Variants in SVIL observed in about 807,000 individuals in gnomAD.
SVIL encodes the protein archvillin.
In SVIL, 101 loss-of-function variants were observed where a neutral mutation model predicts 240.4. The ratio of observed to expected loss-of-function variants is 0.42; its 90% CI spans 0.36 to 0.50. The LOEUF is 0.50. SVIL is among the 20% of genes least tolerant of loss of function. SVIL has a pLI of 0.01. For missense variants in SVIL, 2,512 were observed against 2,818.7 expected (o/e 0.89, Z 2.46); for synonymous variants, 999 against 1,100.0 (o/e 0.91, Z 1.82).
chr10:29,645,494 C>T (rs1248288822), intron 3 of SVIL, among the ~76,000 whole-genome samples: 9 of 152,190 alleles, frequency 5.9e-5, no homozygotes, highest in African/African-American at 2.2e-4. Flanking sequence ...TGCTTGAACC[C>T]GGGAGGTGGA....
intron 6 of SVIL, among the ~76,000 whole-genome samples, chr10:29,546,043 A>G (rs1175092662): frequency 6.6e-6 from 1 of 152,134 alleles, no homozygotes; most frequent in African/African-American, 2.4e-5. Flanking sequence ...TAAAAAATAC[A>G]GCACATTTTC....
chr10:29,559,143 C>T (rs930464318), intron 3 of SVIL, among the ~76,000 whole-genome samples: 5 of 151,800 alleles, frequency 3.3e-5, no homozygotes, highest in African/African-American at 1.2e-4. Context: ...TAAAGCCTAC[C>T]TACAGTTCTA....
intron 9 of SVIL, 119 bp downstream of exon 9, chr10:29,531,883 T>A: frequency 8.4e-7 from 1 of 1,196,936 alleles, no homozygotes; most frequent in Non-Finnish European, 1.2e-6. Flanking sequence ...ATAGGTTAGA[T>A]GGAACAATTA....
At chr10:29,575,626 A>T (rs980346038) in intron 1 of SVIL, among the ~76,000 whole-genome samples, 37 of 152,234 alleles carry the variant, frequency 2.4e-4, no homozygotes, top group Non-Finnish European at 4.3e-4. Flanking sequence ...ATGATTTAGT[A>T]AGCCCTACTG....
chr10:29,653,299 A>G (rs371321561), intron 3 of SVIL, among the ~76,000 whole-genome samples: 3 of 150,364 alleles, frequency 2.0e-5, no homozygotes, highest in African/African-American at 7.4e-5. Flanking sequence ...AGTGTGTAGC[A>G]CCTCCCCCTT....
chr10:29,717,118 A>G (rs968626398), intron 1 of SVIL, among the ~76,000 whole-genome samples: 1 of 151,722 alleles, frequency 6.6e-6, no homozygotes, highest in Non-Finnish European at 1.5e-5. Context: ...CTGTGGTCCC[A>G]GCTACTCGGG....
intron 1 of SVIL, among the ~76,000 whole-genome samples, chr10:29,696,810 G>A (rs932819739): frequency 9.3e-5 from 14 of 150,940 alleles, no homozygotes; most frequent in Non-Finnish European, 1.3e-4. Context: ...CACCCCGTCC[G>A]GGAGGGAGGT....
At chr10:29,729,783 G>A (rs983389072) in intron 1 of SVIL, among the ~76,000 whole-genome samples, 12 of 133,472 alleles carry the variant, frequency 9.0e-5, no homozygotes, top group African/African-American at 3.5e-4. Flanking sequence ...GCAGTGAGCC[G>A]AGATTGCACC....
intron 6 of SVIL, among the ~76,000 whole-genome samples, chr10:29,544,779 A>C (rs1374097361): frequency 1.4e-5 from 2 of 145,428 alleles, no homozygotes; most frequent in East Asian, 2.0e-4. Context: ...AAAAAAAAAA[A>C]GAATAAGAAT....
rs145559465 is a variant in SVIL, at chr10:29,590,287, TTAAG to T, written c.-200-20979_-200-20976del. Among the ~76,000 whole-genome samples the T allele has an allele frequency of 1.4e-3, 206 of 150,976 alleles. 1 individual carries two copies. The highest frequency in any genetic ancestry group is 4.9e-3 in the African/African-American group (200 of 41,186). On this transcript the variant is annotated intron_variant, in intron 1 of 37. Coordinates refer to ENST00000355867, the MANE Select transcript of SVIL (RefSeq NM_021738.3). ...GACCTCCTGTCCCGTGGCTCCCCAA[TTAAG>T]TAAGGCTGCCCAACAGGTTCCCAGC...
intron 17 of SVIL, among the ~76,000 whole-genome samples, chr10:29,509,324 GGGGAGGGA>G (rs1407462964): frequency 5.8e-4 from 46 of 79,810 alleles, no homozygotes; most frequent in African/African-American, 1.7e-3. Context: ...GGAGAAGGAG[GGGGAGGGA>G]GAGAGAGAGA....
chr10:29,585,215 T>C (rs1388461097), intron 1 of SVIL, among the ~76,000 whole-genome samples: 2 of 151,922 alleles, frequency 1.3e-5, no homozygotes, highest in African/African-American at 4.8e-5. Context: ...GGACCACAGG[T>C]GTGTGCCACC....
At chr10:29,659,088 A>G (rs1445276023) in intron 2 of SVIL, among the ~76,000 whole-genome samples, 1 of 152,208 alleles carries the variant, frequency 6.6e-6, no homozygotes, top group East Asian at 1.9e-4. Flanking sequence ...GCAAACATGC[A>G]TTTCCCCTTG....
chr10:29,718,343 G>A (rs533311944), intron 1 of SVIL, among the ~76,000 whole-genome samples: 9 of 151,228 alleles, frequency 6.0e-5, no homozygotes, highest in African/African-American at 1.9e-4. Flanking sequence ...AAAAAAATTC[G>A]CCTGTTTCTT....
intron 3 of SVIL, among the ~76,000 whole-genome samples, chr10:29,640,028 A>C (rs1434639808): frequency 6.6e-6 from 1 of 152,166 alleles, no homozygotes; most frequent in African/African-American, 2.4e-5. Flanking sequence ...AGCCCAGAAT[A>C]TGCTCCAGCG....
At chr10:29,552,107 G>A (rs1368118437) in intron 5 of SVIL, among the ~76,000 whole-genome samples, 2 of 134,146 alleles carry the variant, frequency 1.5e-5, no homozygotes, top group Non-Finnish European at 3.2e-5. Context: ...AAGAGAGCAA[G>A]ACCTTGTCTC....
intron 21 of SVIL, among the ~76,000 whole-genome samples, chr10:29,492,634 A>G (rs1366374808): frequency 6.6e-6 from 1 of 152,124 alleles, no homozygotes; most frequent in African/African-American, 2.4e-5. Flanking sequence ...CTTGAAATTG[A>G]CGGACTCCTA....
At chr10:29,610,484 CT>C (rs1957204799) in intron 1 of SVIL, among the ~76,000 whole-genome samples, 1 of 147,336 alleles carries the variant, frequency 6.8e-6, no homozygotes, top group Non-Finnish European at 1.5e-5. Context: ...GGGTCTCGCT[CT>C]GTCACCCAGG....
At chr10:29,628,393 A>G (rs942781233) in intron 1 of SVIL, among the ~76,000 whole-genome samples, 23 of 152,356 alleles carry the variant, frequency 1.5e-4, no homozygotes, top group Non-Finnish European at 3.2e-4. Flanking sequence ...TTTACTTAAA[A>G]TTTTGAAATA....
Sources: gnomAD v4.1 joint callset for allele counts (sites outside exome capture counted in the v4.1 genomes callset) on GRCh38, gnomAD v4.1.1 for gene constraint, MANE v1.5 for transcripts, NCBI Gene and HGNC (gene_info 2026-07-23, HGNC 2026-07-21) for gene names.